Variants in SVIL observed in about 807,000 individuals in gnomAD.
The protein encoded by SVIL is archvillin.
SVIL carries 101 observed loss-of-function variants against 240.4 expected under a neutral mutation model. That is an observed-to-expected ratio of 0.42 (90% CI 0.36 to 0.50). SVIL has a LOEUF of 0.50. SVIL is among the 20% of genes least tolerant of loss of function. The pLI, the probability that SVIL is intolerant of heterozygous loss-of-function variation, is 0.01. For synonymous variants in SVIL, 999 were observed against 1,100.0 expected (o/e 0.91, Z 1.82); for missense variants, 2,512 against 2,818.7 (o/e 0.89, Z 2.46).
At chr10:29,645,687 C>T (rs1399204268) in intron 3 of SVIL, among the ~76,000 whole-genome samples, 1 of 152,160 alleles carries the variant, frequency 6.6e-6, no homozygotes, top group Non-Finnish European at 1.5e-5. Flanking sequence ...AGATAAAATC[C>T]TTTGATCATG....
At chr10:29,729,039 G>A (rs1964450371) in intron 1 of SVIL, among the ~76,000 whole-genome samples, 1 of 152,202 alleles carries the variant, frequency 6.6e-6, no homozygotes, top group African/African-American at 2.4e-5. Context: ...GTGAGGGGCG[G>A]TGTTAGGATG....
At chr10:29,612,705 A>C (rs1208755398) in intron 1 of SVIL, among the ~76,000 whole-genome samples, 2 of 152,196 alleles carry the variant, frequency 1.3e-5, no homozygotes, top group Non-Finnish European at 2.9e-5. Flanking sequence ...AAAAGAAAAA[A>C]CATAGCAAAG....
At chr10:29,647,971 CAA>C (rs3030628) in intron 3 of SVIL, among the ~76,000 whole-genome samples, 6,964 of 96,242 alleles carry the variant, frequency 0.072, 160 homozygotes, top group Middle Eastern at 0.17. Context: ...TTGTCAATAT[CAA>C]AAAAAAAAAA....
chr10:29,600,774 G>A (rs1344130083), intron 1 of SVIL, among the ~76,000 whole-genome samples: 1 of 152,146 alleles, frequency 6.6e-6, no homozygotes, highest in Non-Finnish European at 1.5e-5. Context: ...AACAAATCCT[G>A]TGAACCAGGA....
chr10:29,731,969 C>A (rs1323032751), intron 1 of SVIL, among the ~76,000 whole-genome samples: 1 of 152,258 alleles, frequency 6.6e-6, no homozygotes, highest in East Asian at 1.9e-4. Flanking sequence ...ATCTTCCGTA[C>A]AATGGAAGCG....
intron 1 of SVIL, among the ~76,000 whole-genome samples, chr10:29,589,300 C>T (rs1445898603): frequency 6.6e-6 from 1 of 152,164 alleles, no homozygotes; most frequent in Admixed American, 6.5e-5. Context: ...TCACACTCAC[C>T]TTTGTCTCCT....
chr10:29,616,718 C>T (rs1303468631), intron 1 of SVIL, among the ~76,000 whole-genome samples: 1 of 152,090 alleles, frequency 6.6e-6, no homozygotes, highest in African/African-American at 2.4e-5. Flanking sequence ...AGGGGAAGTG[C>T]AACTCTTTTT....
rs1491188568 is a variant in SVIL at position 29,529,175 on chromosome 10, C to CAG, written c.2246+529_2246+530insCT. 3.5e-4 allele frequency among the ~76,000 whole-genome samples: 23 copies of CAG among 66,060 alleles called. 1 individual carries two copies. The highest frequency in any genetic ancestry group is 1.0e-3 in the African/African-American group (18 of 17,582). The allele number at this position is 66,060 out of a possible 152,430, so 43.3% of individuals were successfully genotyped here. On this transcript the variant is annotated intron_variant, in intron 12 of 37. Transcript: ENST00000355867. The stretch of plus-strand genomic sequence containing the variant: ...TGGGTGACAGAGCAAGACTCTCTCT[C>CAG]AAAAAAAAAAAAAAAAAAAAAAAAA...
chr10:29,526,929 G>A (rs781623611), intron 13 of SVIL, 32 bp downstream of exon 13: 18 of 1,489,642 alleles, frequency 1.2e-5, no homozygotes, highest in Admixed American at 1.0e-4. Context: ...CCTTTGCACC[G>A]GGTGCCGCAT....
rs1943790670 is a variant in SVIL at position 29,458,318 on chromosome 10, T to A, written c.6574A>T (p.Thr2192Ser). Residue 2192 changes from threonine (T) to serine (S), a missense_variant, in exon 38 of 38, where the codon ACG becomes TCG. Thr to Ser is a moderately conservative substitution (Grantham distance 58, BLOSUM62 1). This residue lies in a region of SVIL where 797 missense variants were observed against 925.3 expected (regional missense o/e 0.86). Coordinates refer to ENST00000355867, the MANE Select transcript of SVIL (RefSeq NM_021738.3). ...GGCAGGGCGTTGTATTCATCCCTCG[T>A]CATGTCTAGTGCAAACTGGAAACAT... ...DEDFEFALDM[T>S]RDEYNALPAW... 4 of 1,614,236 alleles carry A rather than the reference T, an allele frequency of 2.5e-6. No homozygotes were observed. The highest frequency in any genetic ancestry group is 1.6e-4 in the Middle Eastern group (1 of 6,062).
intron 3 of SVIL, among the ~76,000 whole-genome samples, chr10:29,555,617 CAGA>C (rs1953855741): frequency 6.6e-6 from 1 of 152,006 alleles, no homozygotes; most frequent in African/African-American, 2.4e-5. Flanking sequence ...CAGGGTAAGG[CAGA>C]AGGTTTTATT....
intron 1 of SVIL, among the ~76,000 whole-genome samples, chr10:29,619,873 A>AT (rs201855413): frequency 6.6e-6 from 1 of 151,976 alleles, no homozygotes; most frequent in Non-Finnish European, 1.5e-5. Context: ...TGCAAACTAC[A>AT]TTTTTTTTAA....
chr10:29,537,019 T>C (rs146147416), intron 6 of SVIL, among the ~76,000 whole-genome samples: 6,859 of 151,968 alleles, frequency 0.045, 244 homozygotes, highest in Admixed American at 0.11. Context: ...GGTAATTTAA[T>C]TTCCATAAGT....
chr10:29,492,505 G>A (rs1217051388), intron 21 of SVIL, among the ~76,000 whole-genome samples: 2 of 151,892 alleles, frequency 1.3e-5, no homozygotes, highest in South Asian at 4.2e-4. Context: ...AAACCCCTCC[G>A]CACTGTTCAG....
chr10:29,711,460 G>T (rs1444108694), intron 1 of SVIL, among the ~76,000 whole-genome samples: 3 of 150,114 alleles, frequency 2.0e-5, no homozygotes, highest in African/African-American at 7.4e-5. Context: ...GAGAGACATG[G>T]TTCAAATGCG....
At position 29,552,478 on chromosome 10, in the gene SVIL, A is replaced by T. The variant is rs56135320; in HGVS notation, c.161-1215T>A. Reference sequence around the variant, plus strand: ...CTCAGGAGGCTGAGGCAGGAGAATCACTTGAACCCGGGAGGCAGAGGTTGC... The same window carrying T: ...CTCAGGAGGCTGAGGCAGGAGAATCTCTTGAACCCGGGAGGCAGAGGTTGC... On this transcript the variant is annotated intron_variant, in intron 5 of 37. Transcript: ENST00000355867. Among the ~76,000 whole-genome samples the T allele has an allele frequency of 1.0e-4, 15 of 149,884 alleles. No homozygotes were observed. In the East Asian group the frequency reaches 2.8e-3, roughly 28 times the overall value.
In SVIL at chr10:29,584,218, G is replaced by A. The variant is rs371265227; in HGVS notation, c.-200-14906C>T. Among the ~76,000 whole-genome samples the A allele has an allele frequency of 3.3e-3, 497 of 152,312 alleles. 13 individuals carry two copies. In the South Asian group the frequency reaches 0.065, roughly 20 times the overall value. ...GCTGGAACTGGGAAGAGGCCTAACCGGGGCGTGGGCTTAAATGGTCCCATC... is the reference window on the plus strand; with the variant it reads ...GCTGGAACTGGGAAGAGGCCTAACCAGGGCGTGGGCTTAAATGGTCCCATC... On this transcript the variant is annotated intron_variant, in intron 1 of 37. Transcript: ENST00000355867.
At position 29,613,215 on chromosome 10, in the gene SVIL, C is replaced by T. The variant is rs373186465; in HGVS notation, c.-201+21205G>A. 2.5e-4 allele frequency among the ~76,000 whole-genome samples: 37 copies of T among 150,792 alleles called. No individual in the cohort carries two copies. The East Asian group carries it at 5.8e-3, about 24-fold the overall frequency. ...AAGAAGAAGGAGGAGGGATGCGGGC[C>T]GAATGAGTGATGCTCTGGTGCAGTG... On this transcript the variant is annotated intron_variant, in intron 1 of 37. Coordinates refer to ENST00000355867, the MANE Select transcript of SVIL (RefSeq NM_021738.3).
chr10:29,578,659 A>T (rs1955805816), intron 1 of SVIL, among the ~76,000 whole-genome samples: 1 of 152,216 alleles, frequency 6.6e-6, no homozygotes, highest in Non-Finnish European at 1.5e-5. Flanking sequence ...ATTGTCTCCT[A>T]GCTAAAGGAT....
Sources: gnomAD v4.1 joint callset for allele counts (sites outside exome capture counted in the v4.1 genomes callset) on GRCh38, gnomAD v4.1.1 for gene constraint, gnomAD v4.1.1 regional missense constraint, MANE v1.5 for transcripts, NCBI Gene and HGNC (gene_info 2026-07-23, HGNC 2026-07-21) for gene names.